The following VTCN1 variants were observed in gnomAD, a reference collection of about 807,000 sequenced individuals.
VTCN1 encodes V-set domain containing T cell activation inhibitor 1.
VTCN1 carries 26 observed loss-of-function variants against 26.5 expected under a neutral mutation model. That is an observed-to-expected ratio of 0.98 (90% confidence interval 0.72 to 1.36). The LOEUF (loss-of-function observed/expected upper bound fraction) is 1.36. VTCN1 is among the 40% of genes most tolerant of loss of function. The probability of loss-of-function intolerance (pLI) is 0.00; values close to 1 mark genes in which losing one functional copy is unlikely to be tolerated. For missense variants in VTCN1, 298 were observed against 337.7 expected, an observed-to-expected ratio of 0.88 and a Z score of 0.92; for synonymous variants, 116 against 130.7, an observed-to-expected ratio of 0.89 and a Z score of 0.77.
chr1:117,174,111 GTTC>G (rs1653073066), intron 1 of VTCN1, among the ~76,000 whole-genome samples: 1 of 152,130 alleles, frequency 6.6e-6, no homozygotes, highest in South Asian at 2.1e-4. Flanking sequence ...CACTTCAGGG[GTTC>G]TTACATTGCT....
rs529085353 is a variant in VTCN1, at chr1:117,199,888, C to T, written c.32+10936G>A. ...TGACCTTGTGATCCGCCCACCTCGG[C>T]CTCCCAAAGTCCTAGGATTACAGGT... On this transcript the variant is annotated intron_variant, in intron 1 of 5. Coordinates refer to ENST00000369458, the MANE Select transcript of VTCN1 (RefSeq NM_024626.4). Among the ~76,000 whole-genome samples, 8 of 152,284 alleles carry T rather than the reference C, an allele frequency of 5.3e-5. No homozygotes were observed. The South Asian group carries it at 1.5e-3, about 28-fold the overall frequency.
intron 1 of VTCN1, among the ~76,000 whole-genome samples, chr1:117,179,852 T>C (rs1467416317): frequency 1.3e-5 from 2 of 152,170 alleles, no homozygotes; most frequent in East Asian, 3.8e-4. Context: ...ATAGATACTA[T>C]TATCTTTGTT....
At chr1:117,165,832 G>A (rs1190106323) in intron 2 of VTCN1, among the ~76,000 whole-genome samples, 1 of 152,188 alleles carries the variant, frequency 6.6e-6, no homozygotes, top group African/African-American at 2.4e-5. Flanking sequence ...TAATTTCAAT[G>A]TCTTATATAT....
rs1570941462 is a variant in VTCN1, at chr1:117,155,019, C to A, written c.445+1555G>T. Among the ~76,000 whole-genome samples the A allele has an allele frequency of 6.6e-6, 1 of 152,130 alleles. No individual in the cohort carries two copies. Among genetic ancestry groups the A allele is most frequent in the South Asian group, 2.1e-4 (1 of 4,822 alleles). On this transcript the variant is annotated intron_variant, in intron 3 of 5. Transcript: ENST00000369458. This position sits in a 1 kb window ranked among gnomAD's most constrained non-coding sequence, Gnocchi z 4.8. ...TCCCAATTTTCTGTATATTCCATGACGTTGACAGTTTTGAGGAGTACTGGT... is the reference window on the plus strand; with the variant it reads ...TCCCAATTTTCTGTATATTCCATGAAGTTGACAGTTTTGAGGAGTACTGGT...
chr1:117,210,387 C>T (rs1233001722), intron 1 of VTCN1, among the ~76,000 whole-genome samples: 1 of 152,172 alleles, frequency 6.6e-6, no homozygotes, highest in Non-Finnish European at 1.5e-5. Context: ...TCTCCTCCGT[C>T]CCCCTGGGGG....
In VTCN1 at chr1:117,155,501, T is replaced by C. The variant is rs187760259; in HGVS notation, c.445+1073A>G. Among the ~76,000 whole-genome samples, 7 of 152,356 alleles carry C rather than the reference T, an allele frequency of 4.6e-5. No individual in the cohort carries two copies. The highest frequency in any genetic ancestry group is 1.7e-4 in the African/African-American group (7 of 41,586). On this transcript the variant is annotated intron_variant, in intron 3 of 5. Transcript: ENST00000369458. The surrounding 1 kb of genome is among the most constrained non-coding windows in gnomAD (Gnocchi z 4.8). ...TATGTATTTATTCTATACCTTTGAG[T>C]TATAATTCAATACTATGTTACTTAT...
chr1:117,176,842 T>TAATCCC (rs1450076356), intron 1 of VTCN1, among the ~76,000 whole-genome samples: 4 of 152,080 alleles, frequency 2.6e-5, no homozygotes, highest in Non-Finnish European at 5.9e-5. Flanking sequence ...CTCATGCTTG[T>TAATCCC]AATCCCAGCA....
At chr1:117,196,191 C>A (rs1648497526) in intron 1 of VTCN1, among the ~76,000 whole-genome samples, 1 of 151,836 alleles carries the variant, frequency 6.6e-6, no homozygotes, top group Non-Finnish European at 1.5e-5. Context: ...ATAATTTTGG[C>A]AAATAATTGA....
intron 1 of VTCN1, among the ~76,000 whole-genome samples, chr1:117,170,902 A>T (rs1210256569): frequency 6.6e-6 from 1 of 152,090 alleles, no homozygotes; most frequent in Non-Finnish European, 1.5e-5. Context: ...GGTTCGTTAC[A>T]TAGGTACACA....
intron 1 of VTCN1, among the ~76,000 whole-genome samples, chr1:117,171,596 C>A (rs960734651): frequency 6.6e-6 from 1 of 152,136 alleles, no homozygotes; most frequent in African/African-American, 2.4e-5. Flanking sequence ...ACAAATGACA[C>A]CCGGGAAACT....
intron 2 of VTCN1, among the ~76,000 whole-genome samples, chr1:117,168,921 A>C (rs1278078397): frequency 1.3e-5 from 2 of 152,186 alleles, no homozygotes; most frequent in Non-Finnish European, 2.9e-5. Context: ...GATGACAAAG[A>C]AAGTGGGGAA....
chr1:117,208,172 G>C (rs1649191564), intron 1 of VTCN1, among the ~76,000 whole-genome samples: 1 of 152,162 alleles, frequency 6.6e-6, no homozygotes, highest in South Asian at 2.1e-4. Flanking sequence ...TCATCTCCCA[G>C]CATTTCCTGC....
rs1004827567 is a variant in VTCN1 at position 117,147,792 on chromosome 1, G to A, written c.725-10C>T. On this transcript the variant is annotated splice_polypyrimidine_tract_variant and intron_variant, in intron 4 of 5. Transcript: ENST00000369458. The surrounding 1 kb of genome is among the most constrained non-coding windows in gnomAD (Gnocchi z 4.6). ...CTTTTGATCTCCGATTCTGTGAAGTGAGAGAAAAAGTTTAGGGTCATACAG... is the reference window on the plus strand; with the variant it reads ...CTTTTGATCTCCGATTCTGTGAAGTAAGAGAAAAAGTTTAGGGTCATACAG... 6.2e-7 allele frequency: 1 copy of A among 1,612,086 alleles called. No individual in the cohort carries two copies. The highest frequency in any genetic ancestry group is 1.1e-5 in the South Asian group (1 of 90,650).
chr1:117,153,461 ATTT>A (rs57126217), intron 3 of VTCN1, 92 bp from the exon 4 acceptor site: 6,805 of 1,101,380 alleles, frequency 6.2e-3, no homozygotes, highest in South Asian at 7.2e-3. Flanking sequence ...AAATGCAGTC[ATTT>A]TTTTTTTTTT....
In VTCN1 at chr1:117,153,076, C is replaced by A; in HGVS notation, c.724+15G>T. The A allele has an allele frequency of 6.3e-7, 1 of 1,596,878 alleles. No homozygotes were observed. Among genetic ancestry groups the A allele is most frequent in the Admixed American group, 1.7e-5 (1 of 59,456 alleles). On this transcript the variant is annotated intron_variant, in intron 4 of 5. Transcript: ENST00000369458. ...TTTCCCCAGTAAATCCATACAAAAG[C>A]ATGCAGGAACCCACCTGTCACTTTG... is the stretch of plus-strand genomic sequence containing the variant.
intron 4 of VTCN1, among the ~76,000 whole-genome samples, chr1:117,149,080 A>G (rs1248055731): frequency 6.6e-6 from 1 of 152,230 alleles, no homozygotes; most frequent in East Asian, 1.9e-4. Flanking sequence ...GGAGGAAGAG[A>G]GAGGCTAAAA....
At position 117,192,008 on chromosome 1, in the gene VTCN1, G is replaced by GATATATATAT. The variant is rs34397281; in HGVS notation, c.32+18815_32+18816insATATATATAT. On this transcript the variant is annotated intron_variant, in intron 1 of 5. Coordinates refer to ENST00000369458, the MANE Select transcript of VTCN1 (RefSeq NM_024626.4). The stretch of plus-strand genomic sequence containing the variant: ...GTTGAAAATTTCCCAATTCTTAGGA[G>GATATATATAT]ATATATAGATATATATATATACACA... Among the ~76,000 whole-genome samples the GATATATATAT allele has an allele frequency of 5.6e-4, 83 of 148,152 alleles. 1 individual carries two copies. Among genetic ancestry groups the GATATATATAT allele is most frequent in the African/African-American group, 1.8e-3 (72 of 40,136 alleles).
intron 1 of VTCN1, among the ~76,000 whole-genome samples, chr1:117,177,921 CTTT>C (rs79283862): frequency 3.4e-5 from 4 of 119,060 alleles, no homozygotes; most frequent in African/African-American, 3.2e-5. Flanking sequence ...GTTTTCTTTT[CTTT>C]TTTTTTTTTT....
Position 117,175,374 on chromosome 1 carries a change from C to T in VTCN1, c.33-5203G>A, listed in dbSNP as rs111802071. Among the ~76,000 whole-genome samples the T allele has an allele frequency of 5.9e-3, 891 of 152,280 alleles. 1 individual carries two copies. Among genetic ancestry groups the T allele is most frequent in the Admixed American group, 9.6e-3 (147 of 15,294 alleles). On this transcript the variant is annotated intron_variant, in intron 1 of 5. Coordinates refer to ENST00000369458, the MANE Select transcript of VTCN1 (RefSeq NM_024626.4). This position sits in a 1 kb window ranked among gnomAD's most constrained non-coding sequence, Gnocchi z 4.2. ...ACAGATATAATAAAATAAACACTCC[C>T]GCTGCTGGGTGCTGTGAGCCGGCGT... is the stretch of plus-strand genomic sequence containing the variant.
Sources: allele counts gnomAD v4.1 joint callset (sites outside exome capture counted in the v4.1 genomes callset), GRCh38; gene constraint gnomAD v4.1.1; non-coding constraint Gnocchi (gnomAD v3.1); transcripts MANE v1.5; gene names NCBI Gene and HGNC (gene_info 2026-07-23, HGNC 2026-07-21).